Variants in ATG4B observed in about 807,000 individuals in gnomAD.
ATG4B encodes autophagy related 4B cysteine peptidase.
Under a neutral mutation model 56.6 loss-of-function variants are expected in ATG4B, and 29 were observed. That is an observed-to-expected ratio of 0.51 (90% CI 0.38 to 0.70). ATG4B has a LOEUF of 0.70. Ranked by LOEUF, ATG4B falls within the 30% of genes least tolerant of loss-of-function variation. ATG4B has a pLI of 0.00. For synonymous variants in ATG4B, 224 were observed against 206.1 expected (o/e 1.09, Z -0.74); for missense variants, 461 against 515.5 (o/e 0.89, Z 1.02).
intron 7 of ATG4B, among the ~76,000 whole-genome samples, chr2:241,664,582 G>A (rs1226368192): frequency 6.6e-6 from 1 of 152,062 alleles, no homozygotes; most frequent in Non-Finnish European, 1.5e-5. Flanking sequence ...GGCTGGGCGT[G>A]GTAGCTCCTA....
chr2:241,649,933 G>A (rs986989751), intron 1 of ATG4B, among the ~76,000 whole-genome samples: 3 of 151,888 alleles, frequency 2.0e-5, no homozygotes, highest in Non-Finnish European at 4.4e-5. Context: ...ACAGGCGCCC[G>A]CCACCACGCC....
chr2:241,657,107 C>G (rs138841252), intron 6 of ATG4B, among the ~76,000 whole-genome samples: 7,608 of 151,428 alleles, frequency 0.05, 369 homozygotes, highest in African/African-American at 0.13. Context: ...TCCCCAGTAC[C>G]TGGAATTACA....
intron 5 of ATG4B, chr2:241,655,059 C>T (rs1225191104): frequency 1.5e-5 from 9 of 595,066 alleles, no homozygotes; most frequent in Middle Eastern, 4.5e-4. Context: ...CCTTCATTTC[C>T]CCTCCTTTTC....
At chr2:241,658,162 G>T (rs2068469516) in intron 6 of ATG4B, among the ~76,000 whole-genome samples, 1 of 152,252 alleles carries the variant, frequency 6.6e-6, no homozygotes, top group Non-Finnish European at 1.5e-5. Context: ...CAGTGCTGCT[G>T]TGTCCCTTGT....
chr2:241,653,175 A>T, intron 3 of ATG4B: 1 of 617,056 alleles, frequency 1.6e-6, no homozygotes, highest in Non-Finnish European at 2.9e-6. Context: ...CCTTTCTGAT[A>T]ATTGGAAAAT....
rs1032628367 is a variant in ATG4B, at chr2:241,668,573, C to T, written c.845C>T (p.Thr282Met). 1.9e-6 allele frequency: 3 copies of T among 1,608,730 alleles called. No individual in the cohort carries two copies. Among genetic ancestry groups the T allele is most frequent in the Admixed American group, 1.7e-5 (1 of 59,554 alleles). ...CTCATCTACCTGGACCCCCACACCACGCAGCCAGCCGTGGAGCCCACTGAT... is the reference window on the plus strand; with the variant it reads ...CTCATCTACCTGGACCCCCACACCATGCAGCCAGCCGTGGAGCCCACTGAT... ...EELIYLDPHT[T>M]QPAVEPTDGC... Residue 282 changes from threonine (T) to methionine (M), a missense_variant, in exon 10 of 13, where the codon ACG becomes ATG. Physicochemically the swap from Thr to Met is moderately conservative, Grantham distance 81. Coordinates refer to ENST00000404914, the MANE Select transcript of ATG4B (RefSeq NM_013325.5). The surrounding 1 kb of genome is among the most constrained non-coding windows in gnomAD (Gnocchi z 4.2).
At chr2:241,643,074 G>A (rs1297519590) in intron 1 of ATG4B, among the ~76,000 whole-genome samples, 1 of 150,996 alleles carries the variant, frequency 6.6e-6, no homozygotes. Flanking sequence ...TAGTAGAGAT[G>A]GGGTTTCACC....
In ATG4B at chr2:241,637,740, G is replaced by T; in HGVS notation, c.10+16G>T. On this transcript the variant is annotated intron_variant, in intron 1 of 12. Coordinates refer to ENST00000404914, the MANE Select transcript of ATG4B (RefSeq NM_013325.5). ...ATGGACGCAGGTGAGGAGTTGCCGG[G>T]GGTCGGTCTTTCCGCAGGAGGTGCT... 3.2e-6 allele frequency: 5 copies of T among 1,572,712 alleles called. No individual in the cohort carries two copies. The highest frequency in any genetic ancestry group is 1.1e-5 in the South Asian group (1 of 87,242).
chr2:241,665,490 G>A (rs1174311840), intron 7 of ATG4B, among the ~76,000 whole-genome samples: 1 of 152,210 alleles, frequency 6.6e-6, no homozygotes, highest in Non-Finnish European at 1.5e-5. Context: ...CCTCTTTGTT[G>A]TGGTTGTTGC....
intron 1 of ATG4B, among the ~76,000 whole-genome samples, chr2:241,639,238 G>C (rs933940044): frequency 2.0e-5 from 3 of 152,252 alleles, no homozygotes; most frequent in African/African-American, 7.2e-5. Flanking sequence ...GCGGACTCCA[G>C]CGTCCAGACA....
At chr2:241,663,513 G>A (rs1218810911) in intron 7 of ATG4B, among the ~76,000 whole-genome samples, 1 of 152,184 alleles carries the variant, frequency 6.6e-6, no homozygotes, top group Non-Finnish European at 1.5e-5. Flanking sequence ...TGAACCTGAT[G>A]TGTACAGAAC....
Position 241,642,871 on chromosome 2 carries a change from C to CTTTTTTTTTTTTTTTTTTTTTT in ATG4B, c.10+5147_10+5148insTTTTTTTTTTTTTTTTTTTTTT, listed in dbSNP as rs1321613822. 1.7e-4 allele frequency among the ~76,000 whole-genome samples: 17 copies of CTTTTTTTTTTTTTTTTTTTTTT among 98,428 alleles called. 7 individuals carry two copies. The East Asian group carries it at 2.6e-3, about 15-fold the overall frequency. 64.6% of individuals were successfully genotyped at this position (98,428 alleles called of 152,430 possible). The stretch of plus-strand genomic sequence containing the variant: ...CTTAAGGTGTACAGCACCTCTCCGT[C>CTTTTTTTTTTTTTTTTTTTTTT]CTTTTTTTTTTTTTTTTTTTTTTTT... On this transcript the variant is annotated intron_variant, in intron 1 of 12. Transcript: ENST00000404914.
At chr2:241,659,621 A>G in intron 7 of ATG4B, 1 of 331,540 alleles carries the variant, frequency 3.0e-6, no homozygotes, top group East Asian at 8.3e-5. Flanking sequence ...TCTGGAAGAA[A>G]GGTCTGCTGC....
Position 241,673,512 on chromosome 2 carries a change from G to A in ATG4B, c.*1248G>A, listed in dbSNP as rs1165913845. 1.0e-4 allele frequency: 44 copies of A among 442,138 alleles called. 1 individual carries two copies. The highest frequency in any genetic ancestry group is 5.0e-4 in the South Asian group (32 of 63,904). The allele number at this position is 442,138 out of a possible 1,614,324, so 27.4% of individuals were successfully genotyped here. On this transcript the variant is annotated 3_prime_UTR_variant, in exon 13 of 13. Coordinates refer to ENST00000404914, the MANE Select transcript of ATG4B (RefSeq NM_013325.5). ...GGGAGCCAGAGATCCCCGAGGACGC[G>A]CGCCGGACAGTCGGCACTGACCGGC...
intron 1 of ATG4B, among the ~76,000 whole-genome samples, chr2:241,649,040 C>G (rs2068149693): frequency 6.6e-6 from 1 of 152,224 alleles, no homozygotes; most frequent in Non-Finnish European, 1.5e-5. Flanking sequence ...TATGCTGAGG[C>G]TGTCCTGTTG....
chr2:241,671,665 G>A (rs2068976481), intron 12 of ATG4B: 2 of 1,418,874 alleles, frequency 1.4e-6, no homozygotes, highest in Non-Finnish European at 9.3e-7. Context: ...GTGCTACCAT[G>A]GAGTCCTCAG....
At chr2:241,669,999 T>C (rs530297879) in intron 10 of ATG4B, among the ~76,000 whole-genome samples, 1 of 152,248 alleles carries the variant, frequency 6.6e-6, no homozygotes, top group East Asian at 1.9e-4. Flanking sequence ...AGGGGCCACC[T>C]GGTGGGATAA....
Position 241,651,238 on chromosome 2 carries a change from T to G in ATG4B, c.113-26T>G. On this transcript the variant is annotated intron_variant, in intron 2 of 12. Transcript: ENST00000404914. The surrounding 1 kb of genome is among the most constrained non-coding windows in gnomAD (Gnocchi z 4.1). ...AAACTTAAGGCGTTGTGTGTGTGTG[T>G]TTTTTTTCTTTTAAACAACCTCTAG... 6.3e-7 allele frequency: 1 copy of G among 1,576,172 alleles called. No individual in the cohort carries two copies. Among genetic ancestry groups the G allele is most frequent in the Non-Finnish European group, 8.6e-7 (1 of 1,159,342 alleles).
chr2:241,668,742 GA>G lies in ATG4B; in HGVS notation c.957+58del. 3.9e-6 allele frequency: 6 copies of G among 1,519,710 alleles called. No individual in the cohort carries two copies. The highest frequency in any genetic ancestry group is 5.3e-6 in the Non-Finnish European group (6 of 1,141,168). 94.1% of individuals were successfully genotyped at this position (1,519,710 alleles called of 1,614,324 possible). On this transcript the variant is annotated intron_variant, in intron 10 of 12. Coordinates refer to ENST00000404914, the MANE Select transcript of ATG4B (RefSeq NM_013325.5). This position sits in a 1 kb window ranked among gnomAD's most constrained non-coding sequence, Gnocchi z 4.2. ...TTGGTGCTGAATGCTGTTTGGGAAT[GA>G]CGAGGAAAACTTTCGGATTTTTGCG...
Sources: gnomAD v4.1 joint callset for allele counts (sites outside exome capture counted in the v4.1 genomes callset) on GRCh38, gnomAD v4.1.1 for gene constraint, Gnocchi (gnomAD v3.1) non-coding constraint, MANE v1.5 for transcripts, NCBI Gene and HGNC (gene_info 2026-07-23, HGNC 2026-07-21) for gene names.